SLC25A20: variants seen among roughly 807,000 people sequenced by gnomAD.
SLC25A20 encodes solute carrier family 25 member 20, also known as mitochondrial carnitine/acylcarnitine carrier protein.
In SLC25A20, 29 loss-of-function variants were observed where a neutral mutation model predicts 39.7. The observed-to-expected ratio is 0.73, with a 90% confidence interval of 0.54 to 1.00. SLC25A20 has a LOEUF of 1.00. Ranked by LOEUF, SLC25A20 falls within the 50% of genes least tolerant of loss-of-function variation. The pLI, the probability that SLC25A20 is intolerant of heterozygous loss-of-function variation, is 0.00. For missense variants in SLC25A20, 333 were observed against 379.9 expected, an observed-to-expected ratio of 0.88 and a Z score of 1.03; for synonymous variants, 103 against 142.2, an observed-to-expected ratio of 0.72 and a Z score of 1.96.
chr3:48,868,102 CA>C (rs1012507769), intron 4 of SLC25A20, among the ~76,000 whole-genome samples: 5 of 150,848 alleles, frequency 3.3e-5, no homozygotes, highest in African/African-American at 4.9e-5. Context: ...AGGGCGGCAG[CA>C]GGTAGGTACA....
At chr3:48,896,669 T>C (rs7639332) in intron 1 of SLC25A20, among the ~76,000 whole-genome samples, 102,428 of 151,558 alleles carry the variant, frequency 0.68, 35,163 homozygotes, top group East Asian at 0.96. Context: ...TGCCACCACA[T>C]GCAGCCAATT....
At chr3:48,892,748 C>T (rs756203250) in intron 1 of SLC25A20, among the ~76,000 whole-genome samples, 4 of 152,096 alleles carry the variant, frequency 2.6e-5, no homozygotes, top group Non-Finnish European at 4.4e-5. Context: ...TCCACAGATT[C>T]AAATGTTAAT....
intron 4 of SLC25A20, among the ~76,000 whole-genome samples, chr3:48,877,495 C>A (rs865866335): frequency 6.6e-6 from 1 of 152,070 alleles, no homozygotes; most frequent in South Asian, 2.1e-4. Context: ...CTTTGGGAGG[C>A]CGAGGTGGGT....
intron 3 of SLC25A20, among the ~76,000 whole-genome samples, chr3:48,880,904 G>A (rs769328472): frequency 5.9e-5 from 9 of 152,054 alleles, no homozygotes; most frequent in Non-Finnish European, 1.2e-4. Context: ...ATACCAGCAC[G>A]GTTTGGAGGC....
At chr3:48,879,251 A>T in intron 4 of SLC25A20, 107 bp downstream of exon 4, 1 of 882,808 alleles carries the variant, frequency 1.1e-6, no homozygotes, top group Non-Finnish European at 1.9e-6. Context: ...GGTGTGAGCC[A>T]CTGCACCCAG....
At chr3:48,873,937 C>A (rs2083736295) in intron 4 of SLC25A20, among the ~76,000 whole-genome samples, 1 of 137,784 alleles carries the variant, frequency 7.3e-6, no homozygotes, top group South Asian at 2.3e-4. Flanking sequence ...CTACTGCACT[C>A]CAGCCTGGGC....
chr3:48,886,609 A>G (rs962675442), intron 2 of SLC25A20, among the ~76,000 whole-genome samples: 1 of 152,086 alleles, frequency 6.6e-6, no homozygotes, highest in African/African-American at 2.4e-5. Flanking sequence ...CAGCATAAAC[A>G]ACTGAAAAAA....
intron 2 of SLC25A20, among the ~76,000 whole-genome samples, chr3:48,888,688 A>G (rs1340746627): frequency 1.3e-5 from 2 of 152,166 alleles, no homozygotes; most frequent in South Asian, 2.1e-4. Flanking sequence ...GGCTGAGTCC[A>G]TCACTTACTA....
intron 4 of SLC25A20, among the ~76,000 whole-genome samples, chr3:48,866,855 G>C (rs1270700151): frequency 1.3e-5 from 2 of 151,878 alleles, no homozygotes; most frequent in Non-Finnish European, 2.9e-5. Context: ...GTGCAATGGC[G>C]CGATCTCGAC....
At chr3:48,888,401 T>G (rs1471977171) in intron 2 of SLC25A20, among the ~76,000 whole-genome samples, 2 of 143,600 alleles carry the variant, frequency 1.4e-5, no homozygotes, top group African/African-American at 5.2e-5. Context: ...AAAACCCCAT[T>G]TCTACTAAAA....
intron 1 of SLC25A20, among the ~76,000 whole-genome samples, chr3:48,896,843 G>A (rs1254647518): frequency 6.6e-6 from 1 of 151,484 alleles, no homozygotes; most frequent in African/African-American, 2.4e-5. Flanking sequence ...TTTATAATAT[G>A]ATCCCCACTT....
At chr3:48,878,242 A>C (rs1402644680) in intron 4 of SLC25A20, among the ~76,000 whole-genome samples, 1 of 142,538 alleles carries the variant, frequency 7.0e-6, no homozygotes, top group Admixed American at 7.4e-5. Flanking sequence ...GCCTGGCGAC[A>C]GAGCGAGACT....
At chr3:48,894,473 G>C (rs1168954175) in intron 1 of SLC25A20, among the ~76,000 whole-genome samples, 1 of 148,252 alleles carries the variant, frequency 6.7e-6, no homozygotes, top group Non-Finnish European at 1.5e-5. Flanking sequence ...GGGTTTCGCT[G>C]TGTTGGCCAG....
At chr3:48,861,419 T>C (rs1197990685) in intron 5 of SLC25A20, among the ~76,000 whole-genome samples, 2 of 152,156 alleles carry the variant, frequency 1.3e-5, no homozygotes, top group Non-Finnish European at 2.9e-5. Flanking sequence ...CAAACACACA[T>C]GATATAATTT....
intron 6 of SLC25A20, 90 bp from the exon 7 acceptor site, chr3:48,859,291 G>T: frequency 8.1e-7 from 1 of 1,234,206 alleles, no homozygotes; most frequent in Non-Finnish European, 1.2e-6. Context: ...GGCAGTTACA[G>T]ACAGGCAGAA....
At chr3:48,879,860 C>G (rs1482971421) in intron 3 of SLC25A20, among the ~76,000 whole-genome samples, 1 of 152,142 alleles carries the variant, frequency 6.6e-6, no homozygotes, top group Non-Finnish European at 1.5e-5. Context: ...GGGGAAGTCT[C>G]TAACCCAGGA....
At chr3:48,868,689 A>G (rs2083689558) in intron 4 of SLC25A20, among the ~76,000 whole-genome samples, 1 of 152,162 alleles carries the variant, frequency 6.6e-6, no homozygotes, top group Non-Finnish European at 1.5e-5. Flanking sequence ...ATTCTCTACA[A>G]AAAGGACCAG....
chr3:48,868,531 G>A (rs1575982609), intron 4 of SLC25A20, among the ~76,000 whole-genome samples: 3 of 152,088 alleles, frequency 2.0e-5, no homozygotes, highest in Non-Finnish European at 4.4e-5. Flanking sequence ...TTGGACCAAC[G>A]GCAGCAGAGA....
In SLC25A20 at chr3:48,870,797, G is replaced by A. The variant is rs527760240; in HGVS notation, c.418-8138C>T. On this transcript the variant is annotated intron_variant, in intron 4 of 8. Transcript: ENST00000319017. ...AAGCGCTAGGATGATAGGCCACCAA[G>A]CTTGGCCAGGAATCAGATTTTTTTT... Among the ~76,000 whole-genome samples, 5 of 147,068 alleles carry A rather than the reference G, an allele frequency of 3.4e-5. No individual in the cohort carries two copies. In the South Asian group the frequency reaches 1.1e-3, roughly 32 times the overall value.
Sources: allele counts gnomAD v4.1 joint callset (sites outside exome capture counted in the v4.1 genomes callset), GRCh38; gene constraint gnomAD v4.1.1; transcripts MANE v1.5; gene names NCBI Gene and HGNC (gene_info 2026-07-23, HGNC 2026-07-21).